The following XRCC4 variants were observed in gnomAD, a reference collection of about 807,000 sequenced individuals.
The protein encoded by XRCC4 is X-ray repair cross complementing 4.
In XRCC4, 28 loss-of-function variants were observed where a neutral mutation model predicts 39.1. The observed-to-expected ratio is 0.72, with a 90% CI of 0.53 to 0.98. XRCC4 has a LOEUF of 0.98. XRCC4 is among the 50% of genes least tolerant of loss of function. The pLI, the probability that XRCC4 is intolerant of heterozygous loss-of-function variation, is 0.00. For synonymous variants in XRCC4, 123 were observed against 126.4 expected (o/e 0.97, Z 0.18); for missense variants, 350 against 376.4 (o/e 0.93, Z 0.58).
chr5:83,148,592 T>C (rs1036626904), intron 3 of XRCC4, among the ~76,000 whole-genome samples: 8 of 152,290 alleles, frequency 5.3e-5, no homozygotes, highest in Admixed American at 5.2e-4. Context: ...TCATTCACTA[T>C]CCATTTATAG....
At chr5:83,141,893 C>T (rs1044291901) in intron 3 of XRCC4, among the ~76,000 whole-genome samples, 1 of 151,398 alleles carries the variant, frequency 6.6e-6, no homozygotes, top group Non-Finnish European at 1.5e-5. Context: ...AATGAATAAA[C>T]TTAGGAAATG....
intron 7 of XRCC4, among the ~76,000 whole-genome samples, chr5:83,287,442 T>C (rs1012543014): frequency 3.9e-5 from 6 of 152,066 alleles, no homozygotes; most frequent in Non-Finnish European, 5.9e-5. Flanking sequence ...TTAATTTTAT[T>C]AATGTTGATA....
intron 7 of XRCC4, among the ~76,000 whole-genome samples, chr5:83,311,468 A>G (rs78070596): frequency 0.032 from 4,845 of 152,268 alleles, 238 homozygotes; most frequent in African/African-American, 0.11. Context: ...TATCACATGT[A>G]TACCCAAAAT....
intron 7 of XRCC4, among the ~76,000 whole-genome samples, chr5:83,284,978 A>T (rs1437677218): frequency 6.6e-6 from 1 of 152,170 alleles, no homozygotes; most frequent in Non-Finnish European, 1.5e-5. Flanking sequence ...GACAGAAATG[A>T]GGAAGATTAT....
intron 7 of XRCC4, among the ~76,000 whole-genome samples, chr5:83,303,286 AG>A (rs978129440): frequency 6.6e-6 from 1 of 152,222 alleles, no homozygotes; most frequent in African/African-American, 2.4e-5. Flanking sequence ...AAGAATCTAA[AG>A]TATATTGTTG....
chr5:83,159,882 T>G (rs1238514675), intron 3 of XRCC4, among the ~76,000 whole-genome samples: 3 of 152,186 alleles, frequency 2.0e-5, no homozygotes, highest in African/African-American at 7.2e-5. Flanking sequence ...CTTTTACCAC[T>G]GTAAAATTTG....
At chr5:83,136,984 G>A (rs1226092578) in intron 3 of XRCC4, among the ~76,000 whole-genome samples, 1 of 152,142 alleles carries the variant, frequency 6.6e-6, no homozygotes, top group Non-Finnish European at 1.5e-5. Context: ...ACCGTGTGGT[G>A]ATAGATGTTA....
At chr5:83,295,152 C>A (rs763492960) in intron 7 of XRCC4, among the ~76,000 whole-genome samples, 1 of 151,860 alleles carries the variant, frequency 6.6e-6, no homozygotes, top group African/African-American at 2.4e-5. Flanking sequence ...TACTAATGTG[C>A]ATCATGAACT....
intron 3 of XRCC4, among the ~76,000 whole-genome samples, chr5:83,194,399 T>C (rs910950934): frequency 6.6e-6 from 1 of 152,246 alleles, no homozygotes; most frequent in African/African-American, 2.4e-5. Flanking sequence ...TCATATTTCA[T>C]TGCATGAGAA....
chr5:83,248,002 G>A (rs1753171250), intron 6 of XRCC4, among the ~76,000 whole-genome samples: 1 of 152,176 alleles, frequency 6.6e-6, no homozygotes. Flanking sequence ...TGTGGGCACA[G>A]AGGAGACTTT....
the XRCC4 span, among the ~76,000 whole-genome samples, chr5:83,362,060 GT>G: frequency 1.5e-4 from 23 of 151,814 alleles, no homozygotes; most frequent in African/African-American, 5.6e-4. Flanking sequence ...CATGTAACAT[GT>G]TTTTATGTAA....
At chr5:83,234,922 A>G (rs1394366954) in intron 6 of XRCC4, among the ~76,000 whole-genome samples, 1 of 151,530 alleles carries the variant, frequency 6.6e-6, no homozygotes, top group Non-Finnish European at 1.5e-5. Flanking sequence ...GATGTAGAAT[A>G]TATATTATTA....
intron 4 of XRCC4, among the ~76,000 whole-genome samples, chr5:83,200,820 T>G (rs1298772512): frequency 6.6e-6 from 1 of 152,198 alleles, no homozygotes; most frequent in East Asian, 1.9e-4. Flanking sequence ...GTAATATGTA[T>G]GTTTTAAAGT....
Position 83,343,895 on chromosome 5 carries a change from C to T in XRCC4, c.894-9236C>T, listed in dbSNP as rs181726670. On this transcript the variant is annotated intron_variant, in intron 7 of 7. Transcript: ENST00000396027. ...CAAAATATATCTGCATTTGGATATC[C>T]TTCAGGCACTCAGACTTACCCGTTA... Among the ~76,000 whole-genome samples, 75 of 152,186 alleles carry T rather than the reference C, an allele frequency of 4.9e-4. 1 individual carries two copies. In the East Asian group the frequency reaches 8.5e-3, roughly 17 times the overall value.
chr5:83,284,759 A>C (rs1754676137), intron 7 of XRCC4, among the ~76,000 whole-genome samples: 1 of 152,142 alleles, frequency 6.6e-6, no homozygotes, highest in Non-Finnish European at 1.5e-5. Context: ...TTTAGGAGTA[A>C]CTATGCTATT....
intron 3 of XRCC4, among the ~76,000 whole-genome samples, chr5:83,111,822 A>G (rs1463519844): frequency 6.6e-6 from 1 of 152,128 alleles, no homozygotes. Flanking sequence ...AATTATTTGT[A>G]TATTTTACCT....
At chr5:83,110,103 C>T (rs1746375189) in intron 2 of XRCC4, among the ~76,000 whole-genome samples, 1 of 151,860 alleles carries the variant, frequency 6.6e-6, no homozygotes, top group South Asian at 2.1e-4. Context: ...GTAATGACCC[C>T]CAGAAAGGCA....
intron 7 of XRCC4, among the ~76,000 whole-genome samples, chr5:83,325,812 A>G (rs1291281081): frequency 6.6e-6 from 1 of 151,920 alleles, no homozygotes; most frequent in Non-Finnish European, 1.5e-5. Context: ...CTATTTCTTT[A>G]GATATATATA....
chr5:83,169,996 A>G (rs1749650204), intron 3 of XRCC4, among the ~76,000 whole-genome samples: 1 of 152,148 alleles, frequency 6.6e-6, no homozygotes. Context: ...ATCTTTTGCC[A>G]TATGTGATTT....
Sources: gnomAD v4.1 joint callset for allele counts (sites outside exome capture counted in the v4.1 genomes callset) on GRCh38, gnomAD v4.1.1 for gene constraint, MANE v1.5 for transcripts, NCBI Gene and HGNC (gene_info 2026-07-23, HGNC 2026-07-21) for gene names.